SOX5: variants seen among roughly 807,000 people sequenced by gnomAD.
The protein encoded by SOX5 is SRY-box transcription factor 5.
Under a neutral mutation model 92.0 loss-of-function variants are expected in SOX5, and 9 were observed. That is an observed-to-expected ratio of 0.10 (90% CI 0.06 to 0.17). The LOEUF (loss-of-function observed/expected upper bound fraction) is 0.17, where lower values mean the gene tolerates loss of function less well. SOX5 is among the 10% of genes least tolerant of loss of function. The pLI is 1.00. For missense variants in SOX5, 642 were observed against 944.5 expected (o/e 0.68, Z 4.20); for synonymous variants, 344 against 336.3 (o/e 1.02, Z -0.25).
chr12:24,093,052 A>T (rs1446752850), intron 4 of SOX5, among the ~76,000 whole-genome samples: 2 of 152,140 alleles, frequency 1.3e-5, no homozygotes, highest in East Asian at 1.9e-4. Flanking sequence ...TGAGCTAAAT[A>T]AAAAAATCAT....
chr12:23,988,705 T>A (rs1286689256), intron 4 of SOX5, among the ~76,000 whole-genome samples: 1 of 152,194 alleles, frequency 6.6e-6, no homozygotes, highest in African/African-American at 2.4e-5. Flanking sequence ...GTGAGACTTG[T>A]TAGTACTCAT....
At chr12:23,626,671 CT>C (rs370910356) in intron 8 of SOX5, among the ~76,000 whole-genome samples, 9,922 of 116,380 alleles carry the variant, frequency 0.085, 377 homozygotes, top group Non-Finnish European at 0.11. Context: ...TTCATTAGTG[CT>C]TTTTTTTTTT....
chr12:23,969,324 C>T (rs1190234372), intron 4 of SOX5, among the ~76,000 whole-genome samples: 1 of 136,506 alleles, frequency 7.3e-6, no homozygotes. Context: ...CTCTTCAATC[C>T]ATTTTTTTTC....
chr12:24,176,364 T>C (rs1043043620), intron 4 of SOX5, among the ~76,000 whole-genome samples: 5 of 151,772 alleles, frequency 3.3e-5, no homozygotes, highest in African/African-American at 9.7e-5. Flanking sequence ...AAAACAAAAT[T>C]CAAAGATAAA....
intron 6 of SOX5, among the ~76,000 whole-genome samples, chr12:23,706,285 T>C (rs184466802): frequency 1.3e-3 from 202 of 152,286 alleles, no homozygotes; most frequent in Admixed American, 3.2e-3. Flanking sequence ...TGAAATATTA[T>C]ATTTAGTATT....
intron 1 of SOX5, among the ~76,000 whole-genome samples, chr12:24,381,577 A>C (rs1239849532): frequency 6.6e-6 from 1 of 152,226 alleles, no homozygotes; most frequent in South Asian, 2.1e-4. Flanking sequence ...AAAAATCTCA[A>C]TTAGTATTCA....
intron 2 of SOX5, among the ~76,000 whole-genome samples, chr12:23,859,248 G>A (rs916041689): frequency 2.0e-5 from 3 of 152,122 alleles, no homozygotes; most frequent in Non-Finnish European, 4.4e-5. Flanking sequence ...CATATGAGTA[G>A]GAGAACTATC....
intron 3 of SOX5, among the ~76,000 whole-genome samples, chr12:23,780,937 G>A (rs2095266017): frequency 6.6e-6 from 1 of 151,888 alleles, no homozygotes; most frequent in African/African-American, 2.4e-5. Context: ...AGAAAGTGAA[G>A]GAAATTTCTG....
rs982355799 is a variant in SOX5 at position 23,530,440 on chromosome 12, C to T, written c.*3779G>A. ...TCCGGAAATCAAATCTATAAAATAG[C>T]TTCACCACAGAAAACTTTTTTATAT... On this transcript the variant is annotated 3_prime_UTR_variant, in exon 15 of 15. Transcript: ENST00000451604. 2.0e-5 allele frequency: 3 copies of T among 151,990 alleles called. No homozygotes were observed. The highest frequency in any genetic ancestry group is 6.6e-5 in the Admixed American group (1 of 15,242). 9.4% of individuals were successfully genotyped at this position (151,990 alleles called of 1,614,324 possible).
intron 1 of SOX5, among the ~76,000 whole-genome samples, chr12:24,437,910 G>A (rs976675473): frequency 1.3e-5 from 2 of 152,172 alleles, no homozygotes; most frequent in African/African-American, 4.8e-5. Context: ...AATACCATTT[G>A]ACCCAGCAAT....
chr12:24,483,864 C>T (rs1296215229), intron 1 of SOX5, among the ~76,000 whole-genome samples: 2 of 152,178 alleles, frequency 1.3e-5, no homozygotes, highest in South Asian at 2.1e-4. Context: ...CAAAACAACA[C>T]GTGAAGTCTT....
At chr12:24,226,073 A>C (rs1420357723) in intron 3 of SOX5, among the ~76,000 whole-genome samples, 2 of 152,202 alleles carry the variant, frequency 1.3e-5, no homozygotes, top group Admixed American at 6.5e-5. Flanking sequence ...AAGTACCATT[A>C]ACAATGATTA....
rs1489375248 is a variant in SOX5 at position 23,846,324 on chromosome 12, G to T, written c.271-131C>A. ...TAAAATTCAGTAACTTTAAAAAATT[G>T]GTTATATGGCTTATTCAGCTGAAAG... is the stretch of plus-strand genomic sequence containing the variant. On this transcript the variant is annotated intron_variant, in intron 2 of 14. Transcript: ENST00000451604. 6 of 727,110 alleles carry T rather than the reference G, an allele frequency of 8.3e-6. No individual in the cohort carries two copies. In the East Asian group the frequency reaches 1.6e-4, roughly 20 times the overall value. 45.0% of individuals were successfully genotyped at this position (727,110 alleles called of 1,614,324 possible).
At chr12:23,965,466 T>C (rs10842247) in intron 4 of SOX5, among the ~76,000 whole-genome samples, 97,095 of 151,808 alleles carry the variant, frequency 0.64, 31,259 homozygotes, top group East Asian at 0.83. Flanking sequence ...TAAAGTTCTC[T>C]AGCACTGGAC....
chr12:24,275,037 C>G (rs1004606784), intron 3 of SOX5, among the ~76,000 whole-genome samples: 2 of 68,664 alleles, frequency 2.9e-5, no homozygotes, highest in African/African-American at 5.5e-5. Flanking sequence ...CATTTCAACC[C>G]GACTTTGGGA....
At chr12:23,653,348 C>T (rs539275844) in intron 7 of SOX5, among the ~76,000 whole-genome samples, 41 of 151,878 alleles carry the variant, frequency 2.7e-4, no homozygotes, top group South Asian at 4.2e-4. Flanking sequence ...ATCACTTCTT[C>T]GATTGTATAG....
chr12:24,001,662 T>C (rs976587000), intron 4 of SOX5, among the ~76,000 whole-genome samples: 1 of 87,458 alleles, frequency 1.1e-5, no homozygotes, highest in Non-Finnish European at 2.8e-5. Context: ...TACAAAAAAA[T>C]TTTAAAAATG....
chr12:24,420,484 T>C (rs1046665387), intron 1 of SOX5, among the ~76,000 whole-genome samples: 1 of 152,184 alleles, frequency 6.6e-6, no homozygotes, highest in African/African-American at 2.4e-5. Flanking sequence ...GGAGAATGCT[T>C]AAATTCATGA....
At chr12:23,981,699 T>C (rs1949579997) in intron 4 of SOX5, among the ~76,000 whole-genome samples, 1 of 152,172 alleles carries the variant, frequency 6.6e-6, no homozygotes, top group Admixed American at 6.5e-5. Context: ...TTTTTGTTTT[T>C]TCTTGTTTCT....
Sources: gnomAD v4.1 joint callset for allele counts (sites outside exome capture counted in the v4.1 genomes callset) on GRCh38, gnomAD v4.1.1 for gene constraint, MANE v1.5 for transcripts, NCBI Gene and HGNC (gene_info 2026-07-23, HGNC 2026-07-21) for gene names.